Variants in CSMD1 observed in about 807,000 individuals in gnomAD.
CSMD1 encodes CUB and sushi domain-containing protein 1.
CSMD1 carries 213 observed loss-of-function variants against 417.5 expected under a neutral mutation model. That is an observed-to-expected ratio of 0.51 (90% confidence interval 0.46 to 0.57). The LOEUF is 0.57. CSMD1 is among the 20% of genes least tolerant of loss of function. The pLI is 0.00. For synonymous variants in CSMD1, 2,862 were observed against 1,736.8 expected (o/e 1.65, Z -16.11); for missense variants, 6,923 against 4,529.7 (o/e 1.53, Z -15.17).
chr8:3,356,843 G>A (rs1808827951), intron 21 of CSMD1, among the ~76,000 whole-genome samples: 1 of 152,170 alleles, frequency 6.6e-6, no homozygotes, highest in Non-Finnish European at 1.5e-5. Flanking sequence ...AGGGAATGAG[G>A]GACTCTGATC....
rs6995327 is a variant in CSMD1, at chr8:3,674,509, G to A, written c.1009+33905C>T. Among the ~76,000 whole-genome samples, 416 of 152,068 alleles carry A rather than the reference G, an allele frequency of 2.7e-3. 1 individual carries two copies. The highest frequency in any genetic ancestry group is 9.2e-3 in the African/African-American group (382 of 41,480). On this transcript the variant is annotated intron_variant, in intron 7 of 69. Coordinates refer to ENST00000635120, the MANE Select transcript of CSMD1 (RefSeq NM_033225.6). ...TCTTAAAAGTATTGGACAGTATACC[G>A]TGAATCATTAGATAATTTAACAATA...
At position 3,451,962 on chromosome 8, in the gene CSMD1, T is replaced by C. The variant is rs560311971; in HGVS notation, c.1561+16750A>G. Among the ~76,000 whole-genome samples the C allele has an allele frequency of 3.3e-5, 5 of 151,360 alleles. No individual in the cohort carries two copies. The East Asian group carries it at 7.7e-4, about 23-fold the overall frequency. ...CCTACCCATGAACATGGAATGTTCT[T>C]CCATTTGTTTGTCTCCTCTTTTATT... On this transcript the variant is annotated intron_variant, in intron 12 of 69. Transcript: ENST00000635120.
intron 1 of CSMD1, among the ~76,000 whole-genome samples, chr8:4,747,643 G>C (rs1811042460): frequency 6.6e-6 from 1 of 152,076 alleles, no homozygotes; most frequent in African/African-American, 2.4e-5. Flanking sequence ...TCAACCTTCT[G>C]CTTTATACTC....
chr8:3,848,914 C>T (rs1803690893), intron 5 of CSMD1, among the ~76,000 whole-genome samples: 2 of 150,540 alleles, frequency 1.3e-5, no homozygotes, highest in Admixed American at 1.3e-4. Context: ...ATCTAGATAT[C>T]ATATACATAT....
At chr8:3,691,532 T>C (rs931784280) in intron 7 of CSMD1, among the ~76,000 whole-genome samples, 3 of 152,160 alleles carry the variant, frequency 2.0e-5, no homozygotes, top group Non-Finnish European at 4.4e-5. Context: ...AGGAGGAAGC[T>C]CAGGACCTAC....
At chr8:3,239,204 T>C (rs190041751) in intron 26 of CSMD1, among the ~76,000 whole-genome samples, 161 of 152,224 alleles carry the variant, frequency 1.1e-3, no homozygotes, top group African/African-American at 3.8e-3. Context: ...TCCTAAATAC[T>C]GAGGAGCGTA....
chr8:4,566,021 T>A (rs1798589821), intron 2 of CSMD1, among the ~76,000 whole-genome samples: 1 of 151,996 alleles, frequency 6.6e-6, no homozygotes, highest in East Asian at 1.9e-4. Flanking sequence ...ATTTTACATA[T>A]AACTTTAGCG....
At chr8:3,607,294 G>A (rs900773698) in intron 8 of CSMD1, among the ~76,000 whole-genome samples, 1 of 152,168 alleles carries the variant, frequency 6.6e-6, no homozygotes. Context: ...CATAAATGAA[G>A]CTGTCATGTC....
intron 12 of CSMD1, among the ~76,000 whole-genome samples, chr8:3,441,978 T>G (rs1815015180): frequency 6.6e-6 from 1 of 151,994 alleles, no homozygotes; most frequent in Non-Finnish European, 1.5e-5. Context: ...TGGGACAAGA[T>G]GTGGAGGCGG....
chr8:3,938,107 G>C (rs1393953189), intron 5 of CSMD1, among the ~76,000 whole-genome samples: 2 of 152,122 alleles, frequency 1.3e-5, no homozygotes, highest in African/African-American at 4.8e-5. Flanking sequence ...TTGAAAGTGT[G>C]AAGCATATAA....
At chr8:3,256,049 C>G (rs1007466171) in intron 26 of CSMD1, among the ~76,000 whole-genome samples, 1 of 152,036 alleles carries the variant, frequency 6.6e-6, no homozygotes, top group Non-Finnish European at 1.5e-5. Context: ...ATGACTGAGC[C>G]GGGTGAGGTG....
At chr8:4,411,824 CTTTTA>C (rs1261593829) in intron 3 of CSMD1, among the ~76,000 whole-genome samples, 2 of 152,110 alleles carry the variant, frequency 1.3e-5, no homozygotes, top group African/African-American at 4.8e-5. Context: ...TATGCAAATA[CTTTTA>C]TTTATATTTT....
At chr8:3,442,190 T>A (rs71521859) in intron 12 of CSMD1, among the ~76,000 whole-genome samples, 1 of 150,688 alleles carries the variant, frequency 6.6e-6, no homozygotes, top group East Asian at 1.9e-4. Flanking sequence ...CAATAAAAAA[T>A]TTTAAAAAAT....
chr8:4,452,774 T>C (rs936569254), intron 2 of CSMD1, among the ~76,000 whole-genome samples: 6 of 151,600 alleles, frequency 4.0e-5, no homozygotes, highest in African/African-American at 9.7e-5. Context: ...ATAACACAAA[T>C]CCAATAAAGT....
At chr8:4,185,462 C>A (rs1798612057) in intron 3 of CSMD1, among the ~76,000 whole-genome samples, 1 of 152,048 alleles carries the variant, frequency 6.6e-6, no homozygotes. Context: ...ACAGCATACA[C>A]CATACAGACT....
intron 3 of CSMD1, among the ~76,000 whole-genome samples, chr8:4,255,044 G>T (rs1008143539): frequency 6.6e-6 from 1 of 152,152 alleles, no homozygotes; most frequent in Non-Finnish European, 1.5e-5. Context: ...TAGAGGAGTT[G>T]ATCAAGCAAT....
At chr8:3,848,850 G>C (rs748319504) in intron 5 of CSMD1, among the ~76,000 whole-genome samples, 4 of 151,900 alleles carry the variant, frequency 2.6e-5, no homozygotes, top group Middle Eastern at 3.4e-3. Context: ...TGTTTATAAA[G>C]CACACATTTT....
intron 22 of CSMD1, among the ~76,000 whole-genome samples, chr8:3,347,369 C>T (rs1341252980): frequency 6.6e-6 from 1 of 152,152 alleles, no homozygotes; most frequent in Non-Finnish European, 1.5e-5. Context: ...CTAGTTGGAG[C>T]TGGGATTTTG....
chr8:4,912,264 G>A (rs1019107085), intron 1 of CSMD1, among the ~76,000 whole-genome samples: 1 of 152,092 alleles, frequency 6.6e-6, no homozygotes, highest in Non-Finnish European at 1.5e-5. Context: ...GCAAGAACAT[G>A]CGAAGGCAGT....
Sources: gnomAD v4.1 joint callset for allele counts (sites outside exome capture counted in the v4.1 genomes callset) on GRCh38, gnomAD v4.1.1 for gene constraint, MANE v1.5 for transcripts, NCBI Gene and HGNC (gene_info 2026-07-23, HGNC 2026-07-21) for gene names.